Variants in OLFM2 observed in about 807,000 individuals in gnomAD.
The protein encoded by OLFM2 is noelin-2.
Under a neutral mutation model 43.9 loss-of-function variants are expected in OLFM2, and 20 were observed. That is an observed-to-expected ratio of 0.46 (90% CI 0.32 to 0.66). The LOEUF (loss-of-function observed/expected upper bound fraction) is 0.66, where lower values mean the gene tolerates loss of function less well. OLFM2 is among the 30% of genes least tolerant of loss of function. The pLI, the probability that OLFM2 is intolerant of heterozygous loss-of-function variation, is 0.04. For synonymous variants in OLFM2, 268 were observed against 278.6 expected (o/e 0.96, Z 0.38); for missense variants, 416 against 643.6 (o/e 0.65, Z 3.83).
Position 9,915,496 on chromosome 19 carries a change from TTTTA to T in OLFM2, c.63+20804_63+20807del, listed in dbSNP as rs60485300. On this transcript the variant is annotated intron_variant, in intron 1 of 5. Coordinates refer to ENST00000264833, the MANE Select transcript of OLFM2 (RefSeq NM_058164.4). ...ACAGAGTGATTGGAGAAAGGGACTT[TTTTA>T]TTTATTTATTTATTTATTTATTTAT... is the stretch of plus-strand genomic sequence containing the variant. Among the ~76,000 whole-genome samples, 417 of 94,190 alleles carry T rather than the reference TTTTA, an allele frequency of 4.4e-3. 1 individual carries two copies. Among genetic ancestry groups the T allele is most frequent in the African/African-American group, 9.9e-3 (354 of 35,688 alleles). The allele number at this position is 94,190 out of a possible 152,430, so 61.8% of individuals were successfully genotyped here.
intron 1 of OLFM2, among the ~76,000 whole-genome samples, chr19:9,884,782 T>A (rs2046572471): frequency 6.6e-6 from 1 of 152,184 alleles, no homozygotes; most frequent in Non-Finnish European, 1.5e-5. Context: ...GCATGCCCCA[T>A]TAGGATGTGA....
chr19:9,910,723 G>T (rs940907825), intron 1 of OLFM2, among the ~76,000 whole-genome samples: 2 of 152,118 alleles, frequency 1.3e-5, no homozygotes, highest in African/African-American at 4.8e-5. Context: ...AGAGATGGAT[G>T]GATAGAAGAA....
intron 1 of OLFM2, among the ~76,000 whole-genome samples, chr19:9,877,079 AT>A (rs2046495424): frequency 6.6e-6 from 1 of 151,446 alleles, no homozygotes; most frequent in African/African-American, 2.4e-5. Context: ...AAAATACAAA[AT>A]TTAGCTGGGC....
At chr19:9,912,805 G>T (rs2046838003) in intron 1 of OLFM2, among the ~76,000 whole-genome samples, 1 of 151,992 alleles carries the variant, frequency 6.6e-6, no homozygotes, top group African/African-American at 2.4e-5. Context: ...GAGTTATGGG[G>T]ATAAATATTC....
At chr19:9,877,470 T>C (rs1172990225) in intron 1 of OLFM2, among the ~76,000 whole-genome samples, 1 of 151,460 alleles carries the variant, frequency 6.6e-6, no homozygotes, top group Non-Finnish European at 1.5e-5. Context: ...GAGGCGGAGG[T>C]TGCGGTGAGC....
At chr19:9,896,091 A>ATTTTTTTTTTTTTTTTTTTTT (rs71188854) in intron 1 of OLFM2, among the ~76,000 whole-genome samples, 1 of 95,784 alleles carries the variant, frequency 1.0e-5, no homozygotes, top group African/African-American at 4.0e-5. Context: ...CTTTATTTTA[A>ATTTTTTTTTTTTTTTTTTTTT]TTTTTTTTTT....
chr19:9,928,772 T>G (rs2086467210), intron 1 of OLFM2, among the ~76,000 whole-genome samples: 1 of 150,558 alleles, frequency 6.6e-6, no homozygotes, highest in South Asian at 2.1e-4. Flanking sequence ...GCCACTGCAC[T>G]CCAGACTGGG....
intron 1 of OLFM2, among the ~76,000 whole-genome samples, chr19:9,905,019 G>A (rs2046773176): frequency 1.3e-5 from 2 of 151,254 alleles, no homozygotes; most frequent in Admixed American, 1.3e-4. Flanking sequence ...ACCCTGTCTT[G>A]GGAGGAAAAA....
intron 1 of OLFM2, among the ~76,000 whole-genome samples, chr19:9,898,343 GA>G (rs2144973053): frequency 6.6e-6 from 1 of 151,344 alleles, no homozygotes; most frequent in South Asian, 2.1e-4. Context: ...CCAACATGAT[GA>G]AACCTCTTCT....
At chr19:9,933,427 G>T (rs1387892955) in intron 1 of OLFM2, among the ~76,000 whole-genome samples, 2 of 151,194 alleles carry the variant, frequency 1.3e-5, no homozygotes, top group African/African-American at 4.9e-5. Flanking sequence ...TAGTAGAGAC[G>T]GGGTTTCACC....
At chr19:9,906,910 A>C (rs1410429646) in intron 1 of OLFM2, among the ~76,000 whole-genome samples, 1 of 152,064 alleles carries the variant, frequency 6.6e-6, no homozygotes, top group Non-Finnish European at 1.5e-5. Flanking sequence ...CCTTGTTCAA[A>C]ATGAGCTTCT....
At chr19:9,861,872 T>C (rs1027955986) in intron 1 of OLFM2, among the ~76,000 whole-genome samples, 3 of 151,986 alleles carry the variant, frequency 2.0e-5, no homozygotes, top group Admixed American at 6.6e-5. Context: ...ATACAAAAAT[T>C]AGCCAAGTAT....
At chr19:9,879,194 G>A (rs999397412) in intron 1 of OLFM2, among the ~76,000 whole-genome samples, 4 of 152,086 alleles carry the variant, frequency 2.6e-5, no homozygotes, top group Admixed American at 6.6e-5. Context: ...GTACAATGGC[G>A]CAATCTCAGC....
rs547231700 is a variant in OLFM2, at chr19:9,856,700, T to A, written c.687+107A>T. 6.8e-6 allele frequency: 6 copies of A among 888,760 alleles called. No homozygotes were observed. The African/African-American group carries it at 8.3e-5, about 12-fold the overall frequency. The allele number at this position is 888,760 out of a possible 1,614,324, so 55.1% of individuals were successfully genotyped here. A position where few individuals can be genotyped will look rare whatever the true frequency, so the allele number is the denominator to read the frequency against. ...AATGGCCCTGGGGGATCCAGGACAC[T>A]TTGGGCTACAAGACAGTCACCAGTG... On this transcript the variant is annotated intron_variant, in intron 5 of 5. Transcript: ENST00000264833. This position sits in a 1 kb window ranked among gnomAD's most constrained non-coding sequence, Gnocchi z 4.0.
chr19:9,863,834 A>G (rs2046381488), intron 1 of OLFM2, among the ~76,000 whole-genome samples: 1 of 152,242 alleles, frequency 6.6e-6, no homozygotes, highest in African/African-American at 2.4e-5. Context: ...TCTATAAGGA[A>G]AACAAACCAT....
chr19:9,897,001 G>C (rs780065913), intron 1 of OLFM2, among the ~76,000 whole-genome samples: 2 of 152,012 alleles, frequency 1.3e-5, no homozygotes, highest in Non-Finnish European at 2.9e-5. Flanking sequence ...AGACCAGCCC[G>C]GGCAACATAG....
At position 9,911,525 on chromosome 19, in the gene OLFM2, C is replaced by T. The variant is rs959446857; in HGVS notation, c.63+24779G>A. ...TACAGAAAACACACAGCACACAGGGCATCCTACCCACATGCACACAAGGCA... is the reference window on the plus strand; with the variant it reads ...TACAGAAAACACACAGCACACAGGGTATCCTACCCACATGCACACAAGGCA... On this transcript the variant is annotated intron_variant, in intron 1 of 5. Transcript: ENST00000264833. 3.3e-5 allele frequency among the ~76,000 whole-genome samples: 5 copies of T among 152,048 alleles called. No homozygotes were observed. The South Asian group carries it at 1.0e-3, about 31-fold the overall frequency.
Position 9,872,703 on chromosome 19 carries a change from C to T in OLFM2, c.64-11909G>A, listed in dbSNP as rs541940806. Among the ~76,000 whole-genome samples the T allele has an allele frequency of 6.6e-5, 10 of 152,010 alleles. No individual in the cohort carries two copies. In the South Asian group the frequency reaches 2.1e-3, roughly 32 times the overall value. On this transcript the variant is annotated intron_variant, in intron 1 of 5. Transcript: ENST00000264833. ...CCATCCATTCATTCACCTTTCCACC[C>T]ATTCATCCATCTATCCATTCATTCA...
chr19:9,916,132 G>A (rs1255635410), intron 1 of OLFM2, among the ~76,000 whole-genome samples: 1 of 152,170 alleles, frequency 6.6e-6, no homozygotes, highest in Non-Finnish European at 1.5e-5. Context: ...CGAGGAGGGT[G>A]GATCACTTGA....
Sources: allele counts gnomAD v4.1 joint callset (sites outside exome capture counted in the v4.1 genomes callset), GRCh38; gene constraint gnomAD v4.1.1; non-coding constraint Gnocchi (gnomAD v3.1); transcripts MANE v1.5; gene names NCBI Gene and HGNC (gene_info 2026-07-23, HGNC 2026-07-21).